SLC6A19: variants seen among roughly 807,000 people sequenced by gnomAD.
SLC6A19 encodes the protein sodium-dependent neutral amino acid transporter B(0)AT1.
SLC6A19 carries 67 observed loss-of-function variants against 68.3 expected under a neutral mutation model. That is an observed-to-expected ratio of 0.98 (90% confidence interval 0.81 to 1.20). The LOEUF (loss-of-function observed/expected upper bound fraction) is 1.20, where lower values mean the gene tolerates loss of function less well. Among genes scored for constraint, SLC6A19 ranks in the 50% most tolerant of loss-of-function variants. The pLI is 0.00. For missense variants in SLC6A19, 813 were observed against 851.6 expected (o/e 0.95, Z 0.56); for synonymous variants, 392 against 374.9 (o/e 1.05, Z -0.53).
rs377317920 is a variant in SLC6A19 at position 1,219,681 on chromosome 5, G to A, written c.1538+17G>A. 3.8e-5 allele frequency: 61 copies of A among 1,601,896 alleles called. No homozygotes were observed. The highest frequency in any genetic ancestry group is 1.6e-4 in the Middle Eastern group (1 of 6,082). On this transcript the variant is annotated intron_variant, in intron 10 of 11. Transcript: ENST00000304460. ...TGTGGACAGGTAGGGGCCACGGTGG[G>A]GACAGGTGCCTCTAATGCAGAAAAG...
At chr5:1,220,616 C>T (rs1746349721) in intron 10 of SLC6A19, among the ~76,000 whole-genome samples, 1 of 152,132 alleles carries the variant, frequency 6.6e-6, no homozygotes, top group African/African-American at 2.4e-5. Flanking sequence ...TCCTCACACG[C>T]TTCTGCGGGG....
In SLC6A19 at chr5:1,201,807, G is replaced by A. The variant is rs762309384; in HGVS notation, c.157G>A (p.Gly53Ser). 1.9e-5 allele frequency: 30 copies of A among 1,612,228 alleles called. No homozygotes were observed. The highest frequency in any genetic ancestry group is 3.3e-5 in the South Asian group (3 of 91,080). The change falls in exon 1 of 12, where the codon GGC becomes AGC. Residue 53 changes from glycine to serine, a missense_variant. Physicochemically the swap from Gly to Ser is moderately conservative, Grantham distance 56. Transcript: ENST00000304460. The part of the protein sequence containing the change: ...LTCLGFCVGL[G>S]NVWRFPYLCQ... ...CTGCCTGGGCTTCTGCGTGGGCCTCGGCAACGTGTGGCGCTTCCCCTACCT... is the reference window on the plus strand; with the variant it reads ...CTGCCTGGGCTTCTGCGTGGGCCTCAGCAACGTGTGGCGCTTCCCCTACCT...
At chr5:1,206,750 G>A (rs1017216743) in intron 1 of SLC6A19, among the ~76,000 whole-genome samples, 5 of 152,082 alleles carry the variant, frequency 3.3e-5, no homozygotes, top group African/African-American at 9.7e-5. Flanking sequence ...CGTGAGGAGG[G>A]GCTGTCGCTG....
At position 1,212,393 on chromosome 5, in the gene SLC6A19, G is replaced by A. The variant is rs958805228; in HGVS notation, c.572G>A (p.Gly191Asp). 5.0e-6 allele frequency: 8 copies of A among 1,613,174 alleles called. No individual in the cohort carries two copies. The highest frequency in any genetic ancestry group is 1.7e-5 in the Admixed American group (1 of 60,012). The change falls in exon 4 of 12, where the codon GGC (glycine) becomes GAC (aspartate). Residue 191 changes from glycine (G) to aspartate (D), a missense_variant. Physicochemically the swap from Gly to Asp is moderately conservative, Grantham distance 94 (BLOSUM62 -1). Transcript: ENST00000304460. The surrounding 1 kb of genome is among the most constrained non-coding windows in gnomAD (Gnocchi z 5.1). ...LNISTSISDS[G>D]SIQWWMLLCL... is the part of the protein sequence containing the mutation. ...ATCTCCACGTCCATCAGCGACTCGG[G>A]CTCCATCCAGTGGTGGATGCTGCTG...
At position 1,215,354 on chromosome 5, in the gene SLC6A19, T is replaced by C. The variant is rs1746177804; in HGVS notation, c.888-1204T>C. 6.6e-6 allele frequency among the ~76,000 whole-genome samples: 1 copy of C among 152,160 alleles called. No homozygotes were observed. ...GAAGCCAGCCATCAGCACTGTCCAG[T>C]TCTAGAAGGTTCCAATCAGCAAAAG... On this transcript the variant is annotated intron_variant, in intron 6 of 11. Coordinates refer to ENST00000304460, the MANE Select transcript of SLC6A19 (RefSeq NM_001003841.3). This position sits in a 1 kb window ranked among gnomAD's most constrained non-coding sequence, Gnocchi z 5.1.
rs1269547100 is a variant in SLC6A19, at chr5:1,215,855, C to T, written c.888-703C>T. Among the ~76,000 whole-genome samples, 1 of 152,226 alleles carries T rather than the reference C, an allele frequency of 6.6e-6. No individual in the cohort carries two copies. Among genetic ancestry groups the T allele is most frequent in the East Asian group, 1.9e-4 (1 of 5,194 alleles). On this transcript the variant is annotated intron_variant, in intron 6 of 11. Transcript: ENST00000304460. The surrounding 1 kb of genome is among the most constrained non-coding windows in gnomAD (Gnocchi z 5.1). ...CACCACTCACGTTCCCACCAGCGTG[C>T]AGGAAGCTCCAGTTTCCCCGTATCC...
rs750739368 is a variant in SLC6A19 at position 1,219,459 on chromosome 5, C to T, written c.1379-46C>T. On this transcript the variant is annotated intron_variant, in intron 9 of 11. Transcript: ENST00000304460. ...GTGAACAGCTCTGTCCCTGGCCGTG[C>T]GTGCAGCCCCTGGGCGTGTGAGCAG... The T allele has an allele frequency of 9.4e-6, 15 of 1,597,846 alleles. No individual in the cohort carries two copies. In the African/African-American group the frequency reaches 1.1e-4, roughly 12 times the overall value.
At position 1,221,331 on chromosome 5, in the gene SLC6A19, C is replaced by T. The variant is rs112626901; in HGVS notation, c.1701+18C>T. The T allele has an allele frequency of 3.2e-5, 51 of 1,611,846 alleles. 1 individual carries two copies. Among genetic ancestry groups the T allele is most frequent in the African/African-American group, 2.7e-4 (20 of 75,000 alleles). ...CTGGCTACGTAAGTGTCCAGGCAGT[C>T]GCCTGGGGTGGGGAGAGGAATGGGG... On this transcript the variant is annotated intron_variant, in intron 11 of 11. Transcript: ENST00000304460.
At chr5:1,210,366 C>CA in intron 2 of SLC6A19, 78 bp from the exon 3 acceptor site, 1 of 1,592,282 alleles carries the variant, frequency 6.3e-7, no homozygotes, top group South Asian at 1.1e-5. Context: ...AGCCCTGGGA[C>CA]CTCCTGCTCA....
At chr5:1,210,342 C>A (rs1377596820) in intron 2 of SLC6A19, 102 bp from the exon 3 acceptor site, 4 of 1,537,846 alleles carry the variant, frequency 2.6e-6, no homozygotes, top group Non-Finnish European at 3.5e-6. Context: ...CCCATCCCAG[C>A]CACACCCTGT....
intron 1 of SLC6A19, among the ~76,000 whole-genome samples, chr5:1,206,355 A>T (rs1375139434): frequency 2.1e-5 from 2 of 96,652 alleles, no homozygotes; most frequent in Admixed American, 9.9e-5. Flanking sequence ...CCCCTCTGTG[A>T]CTCTGTCTCT....
At chr5:1,202,388 G>A (rs1426653778) in intron 1 of SLC6A19, among the ~76,000 whole-genome samples, 2 of 152,190 alleles carry the variant, frequency 1.3e-5, no homozygotes, top group Non-Finnish European at 2.9e-5. Context: ...GAGCCGCTGT[G>A]CCCACCCAAC....
rs559827912 is a variant in SLC6A19, at chr5:1,224,624, C to G, written c.*2720C>G. 3 of 152,512 alleles carry G rather than the reference C, an allele frequency of 2.0e-5. No homozygotes were observed. The highest frequency in any genetic ancestry group is 7.2e-5 in the African/African-American group (3 of 41,608). 9.4% of individuals were successfully genotyped at this position (152,512 alleles called of 1,614,324 possible). The stretch of plus-strand genomic sequence containing the variant: ...TAAGAACCTTCCAAAAATGTGTCCA[C>G]CTGGGCCCCTGCCCTGGGACTCATG... On this transcript the variant is annotated 3_prime_UTR_variant, in exon 12 of 12. Transcript: ENST00000304460.
At chr5:1,213,025 C>A (rs1263730725) in intron 4 of SLC6A19, among the ~76,000 whole-genome samples, 3 of 143,304 alleles carry the variant, frequency 2.1e-5, no homozygotes, top group African/African-American at 7.9e-5. Flanking sequence ...CCCTGCCCCC[C>A]ATCCCCACCC....
chr5:1,224,249 G>C lies in SLC6A19; in HGVS notation c.*2345G>C, dbSNP rs1375137361. The C allele has an allele frequency of 6.6e-6, 1 of 152,316 alleles. No individual in the cohort carries two copies. Among genetic ancestry groups the C allele is most frequent in the Non-Finnish European group, 1.5e-5 (1 of 68,066 alleles). The allele number at this position is 152,316 out of a possible 1,614,324, so 9.4% of individuals were successfully genotyped here. A position where few individuals can be genotyped will look rare whatever the true frequency, so the allele number is the denominator to read the frequency against. On this transcript the variant is annotated 3_prime_UTR_variant, in exon 12 of 12. Coordinates refer to ENST00000304460, the MANE Select transcript of SLC6A19 (RefSeq NM_001003841.3). ...GCCTGCCATAGGACCCTGGGCGGGA[G>C]CTCCCATCTCATCTACATCTCCTGA...
At position 1,212,730 on chromosome 5, in the gene SLC6A19, C is replaced by T. The variant is rs1200366294; in HGVS notation, c.663+246C>T. ...AGGAACTTGACGTTGGCCCACACGA[C>T]ACTTAGCGTTATGTAGGAGTAATAC... On this transcript the variant is annotated intron_variant, in intron 4 of 11. Coordinates refer to ENST00000304460, the MANE Select transcript of SLC6A19 (RefSeq NM_001003841.3). This position sits in a 1 kb window ranked among gnomAD's most constrained non-coding sequence, Gnocchi z 5.1. Among the ~76,000 whole-genome samples, 5 of 152,122 alleles carry T rather than the reference C, an allele frequency of 3.3e-5. No homozygotes were observed. The highest frequency in any genetic ancestry group is 9.7e-5 in the African/African-American group (4 of 41,406).
chr5:1,206,540 G>A (rs1487691714), intron 1 of SLC6A19, among the ~76,000 whole-genome samples: 1 of 152,222 alleles, frequency 6.6e-6, no homozygotes, highest in Non-Finnish European at 1.5e-5. Context: ...CGGGAAGGGA[G>A]GCGATGGGGA....
intron 3 of SLC6A19, among the ~76,000 whole-genome samples, chr5:1,211,757 C>T (rs576548107): frequency 6.7e-6 from 1 of 149,880 alleles, no homozygotes; most frequent in African/African-American, 2.5e-5. Context: ...CGCTTGTGTG[C>T]TGTGTGTGTA....
intron 1 of SLC6A19, 93 bp downstream of exon 1, chr5:1,201,945 C>T (rs955749495): frequency 5.3e-5 from 77 of 1,454,816 alleles, no homozygotes; most frequent in East Asian, 4.9e-4. Context: ...CCCGGACCCT[C>T]GGCTCCCCAA....
Sources: gnomAD v4.1 joint callset for allele counts (sites outside exome capture counted in the v4.1 genomes callset) on GRCh38, gnomAD v4.1.1 for gene constraint, Gnocchi (gnomAD v3.1) non-coding constraint, MANE v1.5 for transcripts, NCBI Gene and HGNC (gene_info 2026-07-23, HGNC 2026-07-21) for gene names.